Variants in SMIM23 observed in about 807,000 individuals in gnomAD.
The protein encoded by SMIM23 is CTB-78H18.1.
In SMIM23, 10 loss-of-function variants were observed where a neutral mutation model predicts 12.8. That is an observed-to-expected ratio of 0.78 (90% CI 0.48 to 1.32). The LOEUF is 1.32. SMIM23 is among the 40% of genes most tolerant of loss of function. SMIM23 has a pLI of 0.00. For missense variants in SMIM23, 184 were observed against 198.2 expected, an observed-to-expected ratio of 0.93 and a Z score of 0.43; for synonymous variants, 78 against 80.1, an observed-to-expected ratio of 0.97 and a Z score of 0.14.
chr5:171,790,417 C>T lies in SMIM23; in HGVS notation c.158-65C>T, dbSNP rs1755900637. On this transcript the variant is annotated intron_variant, in intron 2 of 3. Transcript: ENST00000523047. Reference sequence around the variant, plus strand: ...CTGACCCTTCATCACACTGGGATAACTAACCATGTTTATTTCAATTAGTGC... The same window carrying T: ...CTGACCCTTCATCACACTGGGATAATTAACCATGTTTATTTCAATTAGTGC... 2.6e-6 allele frequency: 4 copies of T among 1,521,396 alleles called. No individual in the cohort carries two copies. The East Asian group carries it at 7.3e-5, about 28-fold the overall frequency. 94.2% of individuals were successfully genotyped at this position (1,521,396 alleles called of 1,614,324 possible).
upstream of SMIM23, among the ~76,000 whole-genome samples, chr5:171,777,953 G>T (rs1324733621): frequency 6.6e-6 from 1 of 152,164 alleles, no homozygotes; most frequent in African/African-American, 2.4e-5. Context: ...ACACAGTAGT[G>T]GGCTGAGAAA....
Position 171,790,950 on chromosome 5 carries a change from T to C in SMIM23, c.381T>C (p.Ala127=), listed in dbSNP as rs1449968697. 2 of 1,535,890 alleles carry C rather than the reference T, an allele frequency of 1.3e-6. No homozygotes were observed. Among genetic ancestry groups the C allele is most frequent in the Admixed American group, 2.0e-5 (1 of 50,976 alleles). Residue 127 remains alanine, a synonymous_variant, in exon 4 of 4, where the codon GCT becomes GCC. Transcript: ENST00000523047. ...LAWDLELWLD[A]LLGEPHQEEH... ...GGGACCTGGAACTGTGGCTGGATGC[T>C]CTTCTGGGAGAGCCACACCAGGAGG...
At chr5:171,777,054 C>T in the SMIM23 span, among the ~76,000 whole-genome samples, 1 of 146,350 alleles carries the variant, frequency 6.8e-6, no homozygotes, top group African/African-American at 2.6e-5. Flanking sequence ...GCTTCCCCCT[C>T]CTTTTTTTTT....
chr5:171,786,092 A>G, intron 1 of SMIM23, 116 bp downstream of exon 1: 1 of 815,422 alleles, frequency 1.2e-6, no homozygotes, highest in Non-Finnish European at 2.0e-6. Context: ...CCGTCCCTGG[A>G]TCCCACTCTG....
chr5:171,785,810 GA>G, upstream of SMIM23: 1 of 1,330,368 alleles, frequency 7.5e-7, no homozygotes, highest in Non-Finnish European at 1.0e-6. Context: ...ACAGGTGGGG[GA>G]GGGGAAGGGT....
chr5:171,774,743 A>G, the SMIM23 span: 4 of 387,216 alleles, frequency 1.0e-5, no homozygotes, highest in Non-Finnish European at 2.1e-5. Context: ...ACATGCAGCT[A>G]TTGTGTCAAG....
At chr5:171,784,452 C>T (rs996486132), upstream of SMIM23, among the ~76,000 whole-genome samples, 2 of 151,962 alleles carry the variant, frequency 1.3e-5, no homozygotes, top group Non-Finnish European at 2.9e-5. Flanking sequence ...TTGCAGTGAG[C>T]CGAGATCGTG....
chr5:171,784,328 A>C (rs1034325392), upstream of SMIM23, among the ~76,000 whole-genome samples: 1 of 152,084 alleles, frequency 6.6e-6, no homozygotes, highest in Admixed American at 6.6e-5. Context: ...ACACGGTGAA[A>C]TCCCATCTCT....
upstream of SMIM23, among the ~76,000 whole-genome samples, chr5:171,784,708 G>A (rs893023251): frequency 1.1e-4 from 17 of 152,152 alleles, no homozygotes; most frequent in South Asian, 3.1e-3. Flanking sequence ...TGAAACTTAC[G>A]TTTACCCAAA....
At chr5:171,776,384 C>A in the SMIM23 span, among the ~76,000 whole-genome samples, 1 of 152,152 alleles carries the variant, frequency 6.6e-6, no homozygotes, top group Admixed American at 6.5e-5. Context: ...TCACGTACAT[C>A]GTCACTCTTG....
intron 1 of SMIM23, among the ~76,000 whole-genome samples, chr5:171,789,060 G>C (rs989728327): frequency 6.6e-6 from 1 of 152,222 alleles, no homozygotes; most frequent in South Asian, 2.1e-4. Flanking sequence ...GGCTGGTTTC[G>C]AACTCTTGAC....
intron 1 of SMIM23, 126 bp from the exon 2 acceptor site, chr5:171,790,104 C>T (rs968875342): frequency 3.3e-6 from 3 of 918,190 alleles, no homozygotes; most frequent in African/African-American, 1.7e-5. Context: ...ATAACTAGAA[C>T]AAAAGTTAAA....
At chr5:171,789,813 G>A (rs952128173) in intron 1 of SMIM23, among the ~76,000 whole-genome samples, 28 of 152,182 alleles carry the variant, frequency 1.8e-4, no homozygotes, top group Admixed American at 1.3e-3. Context: ...ACTGCAAAAG[G>A]AAACTTTCTA....
upstream of SMIM23, among the ~76,000 whole-genome samples, chr5:171,784,913 T>C (rs1047936579): frequency 5.9e-5 from 9 of 152,184 alleles, no homozygotes; most frequent in African/African-American, 2.2e-4. Flanking sequence ...TATACTATGT[T>C]TTTTTTTAAA....
chr5:171,783,309 A>G (rs1450580149), upstream of SMIM23, among the ~76,000 whole-genome samples: 2 of 152,252 alleles, frequency 1.3e-5, no homozygotes, highest in South Asian at 4.1e-4. Flanking sequence ...TATGAAGTTT[A>G]TATGGAAAGG....
the SMIM23 span, among the ~76,000 whole-genome samples, chr5:171,773,263 A>G: frequency 1.3e-5 from 2 of 152,206 alleles, no homozygotes; most frequent in African/African-American, 2.4e-5. Context: ...TGGGGGCTCA[A>G]TGAGATGATA....
chr5:171,786,089 T>C, intron 1 of SMIM23, 113 bp downstream of exon 1: 1 of 829,676 alleles, frequency 1.2e-6, no homozygotes, highest in Non-Finnish European at 1.9e-6. Flanking sequence ...CAACCGTCCC[T>C]GGATCCCACT....
the SMIM23 span, among the ~76,000 whole-genome samples, chr5:171,772,750 A>G: frequency 1.3e-5 from 2 of 151,506 alleles, no homozygotes; most frequent in East Asian, 3.9e-4. Flanking sequence ...ACAGCAAGGT[A>G]TGTGCCTTTC....
the SMIM23 span, chr5:171,773,773 T>C: frequency 4.4e-6 from 2 of 456,194 alleles, no homozygotes; most frequent in East Asian, 6.9e-5. Context: ...ACATAGGTCA[T>C]TGTGGCCAGA....
Sources: gnomAD v4.1 joint callset for allele counts (sites outside exome capture counted in the v4.1 genomes callset) on GRCh38, gnomAD v4.1.1 for gene constraint, MANE v1.5 for transcripts, NCBI Gene and HGNC (gene_info 2026-07-23, HGNC 2026-07-21) for gene names.